SEMA3C: variants seen among roughly 807,000 people sequenced by gnomAD.
SEMA3C encodes semaphorin-3C.
In SEMA3C, 47 loss-of-function variants were observed where a neutral mutation model predicts 89.4. The observed-to-expected ratio is 0.53, with a 90% CI of 0.42 to 0.67. SEMA3C has a LOEUF of 0.67. Among genes scored for constraint, SEMA3C ranks in the 30% least tolerant of loss-of-function variants. The pLI is 0.00. For synonymous variants in SEMA3C, 310 were observed against 320.2 expected, an observed-to-expected ratio of 0.97 and a Z score of 0.34; for missense variants, 839 against 929.1, an observed-to-expected ratio of 0.90 and a Z score of 1.26.
At chr7:80,806,369 G>A (rs1789342279) in intron 6 of SEMA3C, among the ~76,000 whole-genome samples, 1 of 152,020 alleles carries the variant, frequency 6.6e-6, no homozygotes, top group Non-Finnish European at 1.5e-5. Flanking sequence ...TGACAAGGAG[G>A]CCACATTATA....
At chr7:80,818,003 C>T (rs539527685) in intron 5 of SEMA3C, among the ~76,000 whole-genome samples, 2 of 151,622 alleles carry the variant, frequency 1.3e-5, no homozygotes, top group African/African-American at 4.8e-5. Context: ...AATAGATATA[C>T]TAAAAATATA....
intron 12 of SEMA3C, among the ~76,000 whole-genome samples, chr7:80,774,497 A>G (rs895544019): frequency 6.6e-6 from 1 of 152,212 alleles, no homozygotes; most frequent in Admixed American, 6.5e-5. Flanking sequence ...AACAGACAGG[A>G]AAATTCATTA....
chr7:80,893,009 C>T (rs572252529), intron 2 of SEMA3C, among the ~76,000 whole-genome samples: 71 of 152,252 alleles, frequency 4.7e-4, no homozygotes, highest in African/African-American at 1.6e-3. Flanking sequence ...TAAAGTTGTG[C>T]TTCAACTTCA....
chr7:80,836,863 T>G (rs1790142278), intron 2 of SEMA3C, among the ~76,000 whole-genome samples: 1 of 152,164 alleles, frequency 6.6e-6, no homozygotes, highest in Admixed American at 6.5e-5. Context: ...CCAGCATAAT[T>G]ATCACTAGTG....
intron 2 of SEMA3C, 76 bp downstream of exon 2, chr7:80,916,603 A>C (rs1792280269): frequency 7.4e-7 from 1 of 1,344,580 alleles, no homozygotes; most frequent in Admixed American, 2.4e-5. Context: ...TTATACTCTT[A>C]ATTTCTGAAT....
At position 80,838,475 on chromosome 7, in the gene SEMA3C, TAA is replaced by T. The variant is rs147113297; in HGVS notation, c.104-9732_104-9731del. Among the ~76,000 whole-genome samples the T allele has an allele frequency of 4.6e-3, 694 of 152,280 alleles. 21 individuals are homozygous for T. The East Asian group carries it at 0.095, about 21-fold the overall frequency. ...ATCTTGTAGGAAAAAGGGGTCTATG[TAA>T]AAACCAATCTTAGAAACATAGCCAC... is the stretch of plus-strand genomic sequence containing the variant. On this transcript the variant is annotated intron_variant, in intron 2 of 17. Coordinates refer to ENST00000265361, the MANE Select transcript of SEMA3C (RefSeq NM_006379.5).
chr7:80,760,807 C>T (rs1788166757), intron 14 of SEMA3C, among the ~76,000 whole-genome samples: 1 of 152,118 alleles, frequency 6.6e-6, no homozygotes, highest in Admixed American at 6.5e-5. Flanking sequence ...TGTAGAAACT[C>T]AGGTCAGTGA....
intron 2 of SEMA3C, among the ~76,000 whole-genome samples, chr7:80,882,796 C>A (rs1258351077): frequency 2.0e-5 from 3 of 151,744 alleles, no homozygotes; most frequent in African/African-American, 7.3e-5. Context: ...AAATAGAACC[C>A]TTTTAGAGTT....
intron 15 of SEMA3C, among the ~76,000 whole-genome samples, chr7:80,757,771 C>T (rs188594033): frequency 6.6e-6 from 1 of 152,170 alleles, no homozygotes; most frequent in East Asian, 1.9e-4. Flanking sequence ...GAGTTCAAGG[C>T]CAGCCTGGCC....
chr7:80,828,042 T>C (rs939500048), intron 3 of SEMA3C, among the ~76,000 whole-genome samples: 3 of 152,194 alleles, frequency 2.0e-5, no homozygotes, highest in Non-Finnish European at 4.4e-5. Flanking sequence ...CATTAATTTT[T>C]TTTAGTTGTC....
intron 2 of SEMA3C, among the ~76,000 whole-genome samples, chr7:80,863,158 G>A (rs1397946944): frequency 6.6e-6 from 1 of 151,804 alleles, no homozygotes; most frequent in Non-Finnish European, 1.5e-5. Flanking sequence ...CTTGAACCTG[G>A]GAGGCAGAGG....
At chr7:80,827,117 G>A (rs947432465) in intron 4 of SEMA3C, among the ~76,000 whole-genome samples, 2 of 152,072 alleles carry the variant, frequency 1.3e-5, no homozygotes, top group South Asian at 2.1e-4. Flanking sequence ...ATCGTTTCAG[G>A]AGCCTGCTGA....
At chr7:80,918,620 T>C (rs989265866) in intron 1 of SEMA3C, among the ~76,000 whole-genome samples, 5 of 152,146 alleles carry the variant, frequency 3.3e-5, no homozygotes, top group African/African-American at 4.8e-5. Flanking sequence ...ACTGTAATAC[T>C]CAACTTGAAA....
chr7:80,790,021 A>G (rs760587945), intron 11 of SEMA3C, among the ~76,000 whole-genome samples: 2 of 152,190 alleles, frequency 1.3e-5, no homozygotes, highest in Non-Finnish European at 2.9e-5. Context: ...TAGGTGGCTC[A>G]GGCCTGTAAT....
rs2117017106 is a variant in SEMA3C at position 80,743,922 on chromosome 7, A to G, written c.*972T>C. On this transcript the variant is annotated 3_prime_UTR_variant, in exon 18 of 18. Transcript: ENST00000265361. ...AAGAATCATTGAATTTGAGTACTGAAGTTGAAAACTAGCCATATTTGTTAT... is the reference window on the plus strand; with the variant it reads ...AAGAATCATTGAATTTGAGTACTGAGGTTGAAAACTAGCCATATTTGTTAT... 6.6e-6 allele frequency: 1 copy of G among 152,186 alleles called. No individual in the cohort carries two copies. The highest frequency in any genetic ancestry group is 1.5e-5 in the Non-Finnish European group (1 of 67,914). 9.4% of individuals were successfully genotyped at this position (152,186 alleles called of 1,614,324 possible). A position where few individuals can be genotyped will look rare whatever the true frequency, so the allele number is the denominator to read the frequency against.
intron 2 of SEMA3C, among the ~76,000 whole-genome samples, chr7:80,898,102 C>G (rs990511637): frequency 6.6e-6 from 1 of 151,570 alleles, no homozygotes; most frequent in Non-Finnish European, 1.5e-5. Context: ...GGTGGCTCAC[C>G]CCCTGTAATC....
chr7:80,890,988 G>A (rs1434746842), intron 2 of SEMA3C, among the ~76,000 whole-genome samples: 1 of 152,032 alleles, frequency 6.6e-6, no homozygotes, highest in African/African-American at 2.4e-5. Context: ...CTCAATTCCA[G>A]GGCCTAGCAC....
At chr7:80,762,393 G>A (rs1788205679) in intron 13 of SEMA3C, among the ~76,000 whole-genome samples, 1 of 152,140 alleles carries the variant, frequency 6.6e-6, no homozygotes, top group African/African-American at 2.4e-5. Flanking sequence ...AAAAAATATT[G>A]TTAGAAAAGG....
intron 2 of SEMA3C, among the ~76,000 whole-genome samples, chr7:80,854,749 A>T (rs1388923006): frequency 6.6e-6 from 1 of 152,182 alleles, no homozygotes; most frequent in East Asian, 1.9e-4. Context: ...CTAATACCTA[A>T]CTTACTGTTC....
Sources: allele counts gnomAD v4.1 joint callset (sites outside exome capture counted in the v4.1 genomes callset), GRCh38; gene constraint gnomAD v4.1.1; transcripts MANE v1.5; gene names NCBI Gene and HGNC (gene_info 2026-07-23, HGNC 2026-07-21).